LAMA2: variants seen among roughly 807,000 people sequenced by gnomAD.
The protein encoded by LAMA2 is laminin subunit alpha 2, also known as laminin subunit alpha-2.
In LAMA2, 269 loss-of-function variants were observed where a neutral mutation model predicts 364.8. The observed-to-expected ratio is 0.74, with a 90% confidence interval of 0.67 to 0.82. LAMA2 has a LOEUF of 0.82. Among genes scored for constraint, LAMA2 ranks in the 40% least tolerant of loss-of-function variants. The probability of loss-of-function intolerance (pLI) is 0.00; values close to 1 mark genes in which losing one functional copy is unlikely to be tolerated. For missense variants in LAMA2, 3,807 were observed against 3,873.2 expected (o/e 0.98, Z 0.45); for synonymous variants, 1,379 against 1,370.6 (o/e 1.01, Z -0.14).
chr6:129,497,392 C>T (rs1470063178), intron 58 of LAMA2, among the ~76,000 whole-genome samples: 1 of 152,122 alleles, frequency 6.6e-6, no homozygotes, highest in Non-Finnish European at 1.5e-5. Flanking sequence ...TGCATTCCAC[C>T]ATGCCCGGCT....
intron 12 of LAMA2, among the ~76,000 whole-genome samples, chr6:129,202,342 G>A (rs1459442126): frequency 6.6e-6 from 1 of 152,102 alleles, no homozygotes; most frequent in African/African-American, 2.4e-5. Flanking sequence ...AATGCCTAAT[G>A]TGATAGTATT....
At chr6:129,176,148 T>A (rs117472372) in intron 9 of LAMA2, among the ~76,000 whole-genome samples, 1,559 of 152,150 alleles carry the variant, frequency 0.01, 19 homozygotes, top group Admixed American at 0.019. Flanking sequence ...CCTAGATAGC[T>A]ATTTATTTTT....
chr6:129,179,471 G>A (rs1048333279), intron 10 of LAMA2, among the ~76,000 whole-genome samples: 5 of 152,070 alleles, frequency 3.3e-5, no homozygotes, highest in African/African-American at 9.7e-5. Flanking sequence ...TAAATATAGC[G>A]AGAAAGGCTG....
intron 2 of LAMA2, among the ~76,000 whole-genome samples, chr6:129,054,596 G>A (rs145793253): frequency 1.3e-5 from 2 of 151,346 alleles, no homozygotes; most frequent in East Asian, 3.9e-4. Flanking sequence ...CCATAAGTGT[G>A]TGTATATGTA....
Position 128,883,340 on chromosome 6 carries a change from A to G in LAMA2, c.95A>G (p.Gln32Arg). ...AQRPQQQRQS[Q>R]AHQQRGLFPA... ...CGGCCGCAGCAGCAGCGGCAGTCAC[A>G]GGCACATCAGCAAAGAGGTACAGTC... The change falls in exon 1 of 65, where the codon CAG becomes CGG. Residue 32 changes from glutamine (Q) to arginine (R), a missense_variant. This residue lies in a region of LAMA2 where 394 missense variants were observed against 403.5 expected (regional missense o/e 0.98). Transcript: ENST00000421865. 3 of 1,597,898 alleles carry G rather than the reference A, an allele frequency of 1.9e-6. No individual in the cohort carries two copies. Among genetic ancestry groups the G allele is most frequent in the South Asian group, 2.3e-5 (2 of 88,312 alleles).
At chr6:128,903,162 G>C (rs1777193099) in intron 1 of LAMA2, among the ~76,000 whole-genome samples, 1 of 151,948 alleles carries the variant, frequency 6.6e-6, no homozygotes, top group Non-Finnish European at 1.5e-5. Context: ...GAGGCTTACA[G>C]TGAAATCATC....
chr6:129,314,595 G>C lies in LAMA2; in HGVS notation c.3412-60G>C, dbSNP rs2114498895. On this transcript the variant is annotated intron_variant, in intron 23 of 64. Transcript: ENST00000421865. ...AGTATGCTCCCGTTATGCATTCTCA[G>C]GGTGATTTCTCCCCTAACTTTGCCG... The C allele has an allele frequency of 6.5e-6, 10 of 1,535,956 alleles. No individual in the cohort carries two copies. The South Asian group carries it at 6.8e-5, about 10-fold the overall frequency.
chr6:129,140,590 A>T (rs1056546929), intron 4 of LAMA2, among the ~76,000 whole-genome samples: 2 of 152,108 alleles, frequency 1.3e-5, no homozygotes, highest in African/African-American at 4.8e-5. Context: ...GATACATTTC[A>T]TCTTCCTTGA....
chr6:128,939,811 C>T (rs1380674806), intron 1 of LAMA2, among the ~76,000 whole-genome samples: 1 of 152,110 alleles, frequency 6.6e-6, no homozygotes, highest in Non-Finnish European at 1.5e-5. Flanking sequence ...ATCTAAGAAA[C>T]AAGAATCTCT....
Position 129,304,464 on chromosome 6 carries a change from C to T in LAMA2, c.3174+3592C>T, listed in dbSNP as rs374749601. Among the ~76,000 whole-genome samples the T allele has an allele frequency of 2.8e-3, 433 of 152,206 alleles. 3 individuals are homozygous for T. The highest frequency in any genetic ancestry group is 9.9e-3 in the African/African-American group (413 of 41,526). On this transcript the variant is annotated intron_variant, in intron 22 of 64. Transcript: ENST00000421865. ...ATTTTTAGTAGAGACGGGGTTTCACCGCGTTAGCCAGGATGGTCTCGATCT... is the reference window on the plus strand; with the variant it reads ...ATTTTTAGTAGAGACGGGGTTTCACTGCGTTAGCCAGGATGGTCTCGATCT...
At chr6:129,133,064 T>C (rs910156286) in intron 4 of LAMA2, among the ~76,000 whole-genome samples, 2 of 152,100 alleles carry the variant, frequency 1.3e-5, no homozygotes, top group Non-Finnish European at 2.9e-5. Context: ...GGATAGACAA[T>C]ATTAGAAAAG....
chr6:129,473,236 A>G lies in LAMA2; in HGVS notation c.7323A>G (p.Ile2441Met). The change falls in exon 52 of 65, where the codon ATA becomes ATG. Residue 2441 changes from isoleucine to methionine, a missense_variant. Ile to Met is a conservative substitution (Grantham distance 10, BLOSUM62 1). Coordinates refer to ENST00000421865, the MANE Select transcript of LAMA2 (RefSeq NM_000426.4). ...QKQANISIVD[I>M]DTNQEENIAT... Reference sequence around the variant, plus strand: ...CAGCCAATATATCAATTGTAGATATAGATACTAATCAGGAGGAGAATATAG... The same window carrying G: ...CAGCCAATATATCAATTGTAGATATGGATACTAATCAGGAGGAGAATATAG... 2.5e-6 allele frequency: 4 copies of G among 1,601,654 alleles called. No individual in the cohort carries two copies. The highest frequency in any genetic ancestry group is 2.6e-6 in the Non-Finnish European group (3 of 1,169,338).
chr6:129,218,620 A>C (rs757229417), intron 12 of LAMA2, among the ~76,000 whole-genome samples: 7 of 152,156 alleles, frequency 4.6e-5, no homozygotes, highest in Non-Finnish European at 1.0e-4. Flanking sequence ...AAAATTGACT[A>C]TAATAAAGAA....
intron 49 of LAMA2, among the ~76,000 whole-genome samples, chr6:129,460,651 G>A (rs1477234436): frequency 6.6e-6 from 1 of 151,964 alleles, no homozygotes; most frequent in African/African-American, 2.4e-5. Flanking sequence ...TTTTGTGTCT[G>A]TGAGTACCTC....
chr6:129,050,083 C>A lies in LAMA2; in HGVS notation c.278C>A (p.Pro93Gln), dbSNP rs1211762228. The A allele has an allele frequency of 6.2e-7, 1 of 1,614,140 alleles. No individual in the cohort carries two copies. Among genetic ancestry groups the A allele is most frequent in the Non-Finnish European group, 8.5e-7 (1 of 1,180,002 alleles). The change falls in exon 2 of 65, where the codon CCA (proline) becomes CAA (glutamine). Residue 93 changes from proline to glutamine, a missense_variant. Coordinates refer to ENST00000421865, the MANE Select transcript of LAMA2 (RefSeq NM_000426.4). ...ATCTGCAATCAAAACAGCAGCAATC[C>A]AAACCGTATGTATTTTAGTGTGTAG... ...CRICNQNSSN[P>Q]NQRHPITNAI...
intron 1 of LAMA2, among the ~76,000 whole-genome samples, chr6:128,979,550 A>C (rs1782740012): frequency 6.6e-6 from 1 of 152,228 alleles, no homozygotes; most frequent in African/African-American, 2.4e-5. Flanking sequence ...GAGTGCTAAG[A>C]AAATGTTCAA....
At chr6:129,024,386 T>C (rs767844446) in intron 1 of LAMA2, among the ~76,000 whole-genome samples, 8 of 4,350 alleles carry the variant, frequency 1.8e-3, no homozygotes, top group Non-Finnish European at 2.3e-3. Context: ...TTCTTTCTTT[T>C]TTTTTTTTTT....
At chr6:129,330,750 C>A (rs1015825234) in intron 29 of LAMA2, among the ~76,000 whole-genome samples, 1 of 151,998 alleles carries the variant, frequency 6.6e-6, no homozygotes, top group African/African-American at 2.4e-5. Flanking sequence ...GCTTAATAGT[C>A]ATGATCTTTC....
chr6:129,262,531 A>G (rs1057238865), intron 15 of LAMA2, among the ~76,000 whole-genome samples: 4 of 152,200 alleles, frequency 2.6e-5, no homozygotes, highest in Non-Finnish European at 5.9e-5. Flanking sequence ...TATCTGTCAC[A>G]CAATAATTGT....
Sources: gnomAD v4.1 joint callset for allele counts (sites outside exome capture counted in the v4.1 genomes callset) on GRCh38, gnomAD v4.1.1 for gene constraint, gnomAD v4.1.1 regional missense constraint, MANE v1.5 for transcripts, NCBI Gene and HGNC (gene_info 2026-07-23, HGNC 2026-07-21) for gene names.